SLC6A4: variants seen among roughly 807,000 people sequenced by gnomAD.
The protein encoded by SLC6A4 is solute carrier family 6 member 4.
SLC6A4 carries 22 observed loss-of-function variants against 73.4 expected under a neutral mutation model. That is an observed-to-expected ratio of 0.30 (90% CI 0.21 to 0.43). The LOEUF is 0.43. SLC6A4 is among the 20% of genes least tolerant of loss of function. The pLI, the probability that SLC6A4 is intolerant of heterozygous loss-of-function variation, is 1.00. For missense variants in SLC6A4, 593 were observed against 808.5 expected, an observed-to-expected ratio of 0.73 and a Z score of 3.23; for synonymous variants, 270 against 315.5, an observed-to-expected ratio of 0.86 and a Z score of 1.53.
chr17:30,208,157 G>T (rs762520789), intron 12 of SLC6A4, among the ~76,000 whole-genome samples: 17 of 152,152 alleles, frequency 1.1e-4, no homozygotes, highest in Non-Finnish European at 2.4e-4. Context: ...TTGGGAGGAT[G>T]GATGGGCATC....
At position 30,194,377 on chromosome 17, in the gene SLC6A4, C is replaced by G. The variant is rs541843956; in HGVS notation, c.*4079G>C. ...ATCTAACTTGAAATATTTATAAACA[C>G]TGCATAAATGAATACAAGGGCACTG... On this transcript the variant is annotated 3_prime_UTR_variant, in exon 15 of 15. Coordinates refer to ENST00000650711, the MANE Select transcript of SLC6A4 (RefSeq NM_001045.6). 1.3e-5 allele frequency: 2 copies of G among 151,898 alleles called. No individual in the cohort carries two copies. The highest frequency in any genetic ancestry group is 4.2e-4 in the South Asian group (2 of 4,794). The allele number at this position is 151,898 out of a possible 1,614,324, so 9.4% of individuals were successfully genotyped here.
chr17:30,229,610 C>T (rs958621112), intron 1 of SLC6A4, among the ~76,000 whole-genome samples: 9 of 152,046 alleles, frequency 5.9e-5, no homozygotes, highest in Admixed American at 1.3e-4. Flanking sequence ...GATGAGATCT[C>T]GCTATGTTGC....
chr17:30,199,074 A>G (rs867666421), intron 14 of SLC6A4, among the ~76,000 whole-genome samples: 3 of 152,348 alleles, frequency 2.0e-5, no homozygotes, highest in Middle Eastern at 3.4e-3. Flanking sequence ...GAGAGTATAA[A>G]TTATCACATA....
chr17:30,218,022 T>C, intron 5 of SLC6A4, 96 bp downstream of exon 5: 2 of 890,934 alleles, frequency 2.2e-6, no homozygotes, highest in Non-Finnish European at 3.6e-6. Context: ...CAGAAAGGGG[T>C]GAGGAGCCCT....
At chr17:30,218,727 C>A in intron 4 of SLC6A4, 70 bp downstream of exon 4, 1 of 1,549,640 alleles carries the variant, frequency 6.5e-7, no homozygotes, top group Non-Finnish European at 8.9e-7. Context: ...AGGTCCCCAG[C>A]TCCCACCCAC....
At chr17:30,228,898 A>G (rs1039010787) in intron 1 of SLC6A4, among the ~76,000 whole-genome samples, 1 of 152,206 alleles carries the variant, frequency 6.6e-6, no homozygotes, top group Non-Finnish European at 1.5e-5. Context: ...CTGAGTCCAA[A>G]TACTTGCAGA....
intron 14 of SLC6A4, among the ~76,000 whole-genome samples, chr17:30,201,436 T>G (rs1480916160): frequency 1.3e-5 from 2 of 152,132 alleles, no homozygotes; most frequent in Non-Finnish European, 2.9e-5. Context: ...CACTTTTGGG[T>G]GGCATTCCCT....
chr17:30,227,712 C>T (rs971353381), intron 1 of SLC6A4, among the ~76,000 whole-genome samples: 6 of 152,280 alleles, frequency 3.9e-5, no homozygotes, highest in Non-Finnish European at 7.4e-5. Context: ...GTCTTGAACT[C>T]CTGGCCTATG....
chr17:30,224,225 G>T (rs898908964), intron 1 of SLC6A4, among the ~76,000 whole-genome samples: 229 of 140,732 alleles, frequency 1.6e-3, no homozygotes, highest in African/African-American at 5.2e-3. Context: ...CCACAGTTTT[G>T]TTTTTTTTTT....
chr17:30,216,004 TA>T (rs1906559850), intron 7 of SLC6A4, 77 bp downstream of exon 7: 1 of 1,306,808 alleles, frequency 7.7e-7, no homozygotes, highest in Non-Finnish European at 1.1e-6. Flanking sequence ...CAGTTGTCCC[TA>T]CTGTCCTATT....
intron 1 of SLC6A4, among the ~76,000 whole-genome samples, chr17:30,228,816 G>T (rs1907002653): frequency 6.6e-6 from 1 of 152,152 alleles, no homozygotes; most frequent in Admixed American, 6.5e-5. Context: ...TGATTACCAG[G>T]CATCATTAGT....
Position 30,212,759 on chromosome 17 carries a change from A to G in SLC6A4, c.1185T>C (p.Ser395=), listed in dbSNP as rs1179095322. ...TCCTACCTGCGTCTTTGGCCACCTC[A>G]GACACATCTTCATTCCTCATCTCAG... ...YMAEMRNEDV[S]EVAKDAGPSL... The change falls in exon 9 of 15, where the codon TCT becomes TCC. Residue 395 remains serine (S), a synonymous_variant. Coordinates refer to ENST00000650711, the MANE Select transcript of SLC6A4 (RefSeq NM_001045.6). The G allele has an allele frequency of 8.1e-6, 13 of 1,614,208 alleles. No homozygotes were observed. The highest frequency in any genetic ancestry group is 1.1e-5 in the Non-Finnish European group (13 of 1,180,036).
At chr17:30,205,601 T>A (rs1906167527) in intron 13 of SLC6A4, among the ~76,000 whole-genome samples, 1 of 152,170 alleles carries the variant, frequency 6.6e-6, no homozygotes, top group South Asian at 2.1e-4. Flanking sequence ...AGCAAGCTGA[T>A]AAGGTCATAA....
rs185154939 is a variant in SLC6A4, at chr17:30,202,198, G to A, written c.1818+974C>T. On this transcript the variant is annotated intron_variant, in intron 14 of 14. Coordinates refer to ENST00000650711, the MANE Select transcript of SLC6A4 (RefSeq NM_001045.6). Reference sequence around the variant, plus strand: ...TGATGGACTCATGTCTAAATTTTGCGTAAGATCTCAAATTAGCCCACCTCC... The same window carrying A: ...TGATGGACTCATGTCTAAATTTTGCATAAGATCTCAAATTAGCCCACCTCC... 7.3e-4 allele frequency among the ~76,000 whole-genome samples: 111 copies of A among 152,246 alleles called. No individual in the cohort carries two copies. In the South Asian group the frequency reaches 0.02, roughly 28 times the overall value.
chr17:30,227,650 T>A (rs1906968953), intron 1 of SLC6A4, among the ~76,000 whole-genome samples: 1 of 152,096 alleles, frequency 6.6e-6, no homozygotes, highest in Non-Finnish European at 1.5e-5. Context: ...CACACCCAGC[T>A]AATTTTTTGT....
At chr17:30,199,083 T>C (rs1414512971) in intron 14 of SLC6A4, among the ~76,000 whole-genome samples, 1 of 152,214 alleles carries the variant, frequency 6.6e-6, no homozygotes, top group Non-Finnish European at 1.5e-5. Context: ...AATTATCACA[T>C]AGTTAAACTG....
At chr17:30,223,943 C>T (rs1193915373) in intron 1 of SLC6A4, among the ~76,000 whole-genome samples, 1 of 152,070 alleles carries the variant, frequency 6.6e-6, no homozygotes, top group African/African-American at 2.4e-5. Context: ...AACCATTTAC[C>T]AGGCCAAGGG....
intron 1 of SLC6A4, among the ~76,000 whole-genome samples, chr17:30,225,092 G>A (rs1906888929): frequency 6.6e-6 from 1 of 152,058 alleles, no homozygotes; most frequent in South Asian, 2.1e-4. Flanking sequence ...CTCATGACCG[G>A]GCAGCCTCTC....
At chr17:30,200,810 G>A (rs113018769) in intron 14 of SLC6A4, among the ~76,000 whole-genome samples, 26 of 152,154 alleles carry the variant, frequency 1.7e-4, no homozygotes, top group African/African-American at 6.3e-4. Flanking sequence ...ACAGAGTCTC[G>A]CTCTGTTGCC....
Sources: gnomAD v4.1 joint callset for allele counts (sites outside exome capture counted in the v4.1 genomes callset) on GRCh38, gnomAD v4.1.1 for gene constraint, MANE v1.5 for transcripts, NCBI Gene and HGNC (gene_info 2026-07-23, HGNC 2026-07-21) for gene names.